ACTN4: variants seen among roughly 807,000 people sequenced by gnomAD.
ACTN4 encodes the protein actinin alpha 4.
ACTN4 carries 18 observed loss-of-function variants against 114.2 expected under a neutral mutation model. That is an observed-to-expected ratio of 0.16 (90% CI 0.11 to 0.23). ACTN4 has a LOEUF of 0.23. Among genes scored for constraint, ACTN4 ranks in the 10% least tolerant of loss-of-function variants. The probability of loss-of-function intolerance (pLI) is 1.00; values close to 1 mark genes in which losing one functional copy is unlikely to be tolerated. For synonymous variants in ACTN4, 515 were observed against 506.3 expected, an observed-to-expected ratio of 1.02 and a Z score of -0.23; for missense variants, 722 against 1,262.9, an observed-to-expected ratio of 0.57 and a Z score of 6.49.
In ACTN4 at chr19:38,731,266, C is replaced by G. The variant is rs771654094; in HGVS notation, c.*1834C>G. Reference sequence around the variant, plus strand: ...CTGAGCCCAGTGGCCCACAGGGAACCCACCTTGGCATTGCATCCCCACCCC... The same window carrying G: ...CTGAGCCCAGTGGCCCACAGGGAACGCACCTTGGCATTGCATCCCCACCCC... On this transcript the variant is annotated 3_prime_UTR_variant, in exon 21 of 21. Coordinates refer to ENST00000252699, the MANE Select transcript of ACTN4 (RefSeq NM_004924.6). 8 of 1,523,916 alleles carry G rather than the reference C, an allele frequency of 5.2e-6. No homozygotes were observed. The South Asian group carries it at 9.0e-5, about 17-fold the overall frequency. 94.4% of individuals were successfully genotyped at this position (1,523,916 alleles called of 1,614,324 possible).
chr19:38,724,203 C>G lies in ACTN4; in HGVS notation c.1739C>G (p.Ala580Gly). Residue 580 changes from alanine (A) to glycine (G), a missense_variant, in exon 15 of 21, where the codon GCC (alanine) becomes GGC (glycine). By Grantham distance (60) the Ala-to-Gly change is moderately conservative (BLOSUM62 0). Coordinates refer to ENST00000252699, the MANE Select transcript of ACTN4 (RefSeq NM_004924.6). The surrounding 1 kb of genome is among the most constrained non-coding windows in gnomAD (Gnocchi z 7.0). ...HDQFKSTLPD[A>G]DREREAILAI... ...CAGTTCAAGTCCACCCTGCCGGACGCCGATAGGGAGCGCGAGGCCATCCTG... is the reference window on the plus strand; with the variant it reads ...CAGTTCAAGTCCACCCTGCCGGACGGCGATAGGGAGCGCGAGGCCATCCTG... 1 of 1,613,914 alleles carries G rather than the reference C, an allele frequency of 6.2e-7. No individual in the cohort carries two copies. The highest frequency in any genetic ancestry group is 8.5e-7 in the Non-Finnish European group (1 of 1,180,034).
intron 3 of ACTN4, among the ~76,000 whole-genome samples, chr19:38,702,268 T>C (rs1156389229): frequency 2.6e-5 from 4 of 152,210 alleles, no homozygotes; most frequent in African/African-American, 9.6e-5. Flanking sequence ...CCCAAATTGG[T>C]TCACTCCCAA....
intron 1 of ACTN4, among the ~76,000 whole-genome samples, chr19:38,680,248 A>G (rs1967521264): frequency 7.7e-6 from 1 of 129,802 alleles, no homozygotes; most frequent in African/African-American, 3.0e-5. Context: ...TTTTTTTTAA[A>G]GTCAGAGTCT....
chr19:38,705,068 G>A (rs763228852), intron 4 of ACTN4, 48 bp downstream of exon 4: 1 of 1,533,084 alleles, frequency 6.5e-7, no homozygotes, highest in Non-Finnish European at 9.0e-7. Flanking sequence ...GTCAGGGCGG[G>A]TTAGAGGAGA....
intron 1 of ACTN4, among the ~76,000 whole-genome samples, chr19:38,674,795 G>A (rs1344389481): frequency 2.6e-5 from 4 of 152,160 alleles, no homozygotes; most frequent in Non-Finnish European, 5.9e-5. Context: ...AAGACTCAGG[G>A]CCCACAGTGC....
At chr19:38,650,716 C>T (rs1186953637) in intron 1 of ACTN4, among the ~76,000 whole-genome samples, 1 of 152,132 alleles carries the variant, frequency 6.6e-6, no homozygotes, top group Non-Finnish European at 1.5e-5. Flanking sequence ...AGAAACATCC[C>T]TGCACTCCCA....
rs74176459 is a variant in ACTN4, at chr19:38,730,130, CAAAAA to C, written c.*708_*712del. The C allele has an allele frequency of 8.2e-6, 1 of 121,546 alleles. No homozygotes were observed. Among genetic ancestry groups the C allele is most frequent in the Admixed American group, 8.0e-5 (1 of 12,538 alleles). The allele number at this position is 121,546 out of a possible 1,614,324, so 7.5% of individuals were successfully genotyped here. ...AAAAAAAACACAAAACAACAAAAACCAAAAAAAAAAAAAATCACAAAAACAAAAAA... is the reference window on the plus strand; with the variant it reads ...AAAAAAAACACAAAACAACAAAAACCAAAAAAAAATCACAAAAACAAAAAA... On this transcript the variant is annotated 3_prime_UTR_variant, in exon 21 of 21. Transcript: ENST00000252699.
chr19:38,654,523 C>G (rs1358511173), intron 1 of ACTN4, among the ~76,000 whole-genome samples: 10 of 149,164 alleles, frequency 6.7e-5, no homozygotes, highest in Non-Finnish European at 3.0e-5. Flanking sequence ...GATCACGCCA[C>G]TGCACTCCAG....
At chr19:38,676,878 T>C (rs150112312) in intron 1 of ACTN4, among the ~76,000 whole-genome samples, 68 of 152,266 alleles carry the variant, frequency 4.5e-4, no homozygotes, top group African/African-American at 1.5e-3. Context: ...CTCACTCCCA[T>C]CTATTCTTCA....
At chr19:38,702,565 G>A (rs1363825292) in intron 3 of ACTN4, among the ~76,000 whole-genome samples, 5 of 152,190 alleles carry the variant, frequency 3.3e-5, no homozygotes, top group Non-Finnish European at 5.9e-5. Flanking sequence ...GGGGAGCTGC[G>A]GCCTTGCCCA....
At chr19:38,680,895 G>A (rs914962814) in intron 1 of ACTN4, among the ~76,000 whole-genome samples, 1 of 152,070 alleles carries the variant, frequency 6.6e-6, no homozygotes, top group Non-Finnish European at 1.5e-5. Context: ...GGAGGCCAAG[G>A]CGGGTAGATC....
Position 38,717,050 on chromosome 19 carries a change from C to T in ACTN4, c.913-36C>T. 1 of 1,591,332 alleles carries T rather than the reference C, an allele frequency of 6.3e-7. No homozygotes were observed. The highest frequency in any genetic ancestry group is 2.3e-5 in the East Asian group (1 of 43,784). On this transcript the variant is annotated intron_variant, in intron 9 of 20. Transcript: ENST00000252699. This position sits in a 1 kb window ranked among gnomAD's most constrained non-coding sequence, Gnocchi z 4.0. ...GCAGCCCGTCAGCACTCTGAGGGTC[C>T]CCCACAAAGGCCACGCTGGCTTCTG...
At chr19:38,655,391 T>C (rs1229982651) in intron 1 of ACTN4, among the ~76,000 whole-genome samples, 1 of 152,196 alleles carries the variant, frequency 6.6e-6, no homozygotes, top group African/African-American at 2.4e-5. Context: ...GCAGAGACTT[T>C]CTCTTTGAAG....
At chr19:38,659,076 T>TTTTTTTTTTTTTTTTTTTTTTTTTTTG (rs1233093899) in intron 1 of ACTN4, among the ~76,000 whole-genome samples, 1 of 147,750 alleles carries the variant, frequency 6.8e-6, no homozygotes, top group African/African-American at 2.5e-5. Flanking sequence ...TTTTTTTTTT[T>TTTTTTTTTTTTTTTTTTTTTTTTTTTG]TTGAGACGGA....
chr19:38,703,788 G>T (rs1968363216), intron 3 of ACTN4, among the ~76,000 whole-genome samples: 1 of 152,086 alleles, frequency 6.6e-6, no homozygotes, highest in African/African-American at 2.4e-5. Context: ...GAGAGGAACT[G>T]GGTGGCGGGT....
chr19:38,716,374 G>A (rs952676617), intron 9 of ACTN4, among the ~76,000 whole-genome samples: 12 of 152,208 alleles, frequency 7.9e-5, no homozygotes, highest in African/African-American at 2.9e-4. Context: ...TGGGCTTGTC[G>A]GCCTTGCCCT....
chr19:38,692,922 C>G (rs1967976731), intron 1 of ACTN4, among the ~76,000 whole-genome samples: 1 of 152,138 alleles, frequency 6.6e-6, no homozygotes, highest in Admixed American at 6.5e-5. Context: ...AGCGACAAAC[C>G]CTACACGGTA....
intron 1 of ACTN4, among the ~76,000 whole-genome samples, chr19:38,674,395 C>G (rs1967308804): frequency 6.6e-6 from 1 of 152,144 alleles, no homozygotes; most frequent in Admixed American, 6.6e-5. Context: ...GCAATGAGAG[C>G]TTTGATTCTA....
intron 6 of ACTN4, 111 bp downstream of exon 6, chr19:38,708,306 T>A: frequency 1.7e-6 from 2 of 1,204,196 alleles, no homozygotes; most frequent in Non-Finnish European, 2.4e-6. Flanking sequence ...ATCTGGGTTC[T>A]GCACGCAGAT....
Sources: gnomAD v4.1 joint callset for allele counts (sites outside exome capture counted in the v4.1 genomes callset) on GRCh38, gnomAD v4.1.1 for gene constraint, Gnocchi (gnomAD v3.1) non-coding constraint, MANE v1.5 for transcripts, NCBI Gene and HGNC (gene_info 2026-07-23, HGNC 2026-07-21) for gene names.